STXBP4: variants seen among roughly 807,000 people sequenced by gnomAD.
STXBP4 encodes the protein syntaxin-binding protein 4.
In STXBP4, 55 loss-of-function variants were observed where a neutral mutation model predicts 76.1. The ratio of observed to expected loss-of-function variants is 0.72; its 90% CI spans 0.58 to 0.91. The LOEUF is 0.91. Ranked by LOEUF, STXBP4 falls within the 40% of genes least tolerant of loss-of-function variation. STXBP4 has a pLI of 0.00. For synonymous variants in STXBP4, 201 were observed against 220.2 expected, an observed-to-expected ratio of 0.91 and a Z score of 0.77; for missense variants, 618 against 636.9, an observed-to-expected ratio of 0.97 and a Z score of 0.32.
chr17:55,179,999 A>G, the STXBP4 span, among the ~76,000 whole-genome samples: 1 of 152,194 alleles, frequency 6.6e-6, no homozygotes, highest in Non-Finnish European at 1.5e-5. Flanking sequence ...CTCATTTACT[A>G]AGGTGCCCAC....
At chr17:55,186,128 A>T in the STXBP4 span, among the ~76,000 whole-genome samples, 1 of 152,180 alleles carries the variant, frequency 6.6e-6, no homozygotes, top group South Asian at 2.1e-4. Context: ...TTGTCTACAA[A>T]CCCTCCACGT....
At chr17:55,202,612 C>A in the STXBP4 span, among the ~76,000 whole-genome samples, 2 of 152,036 alleles carry the variant, frequency 1.3e-5, no homozygotes, top group Non-Finnish European at 2.9e-5. Flanking sequence ...ACTGCCAATT[C>A]TATGCTCTTT....
intron 15 of STXBP4, 60 bp from the exon 16 acceptor site, chr17:55,080,990 A>G: frequency 9.2e-6 from 12 of 1,307,968 alleles, no homozygotes; most frequent in Non-Finnish European, 1.2e-5. Flanking sequence ...CTTCAGATTT[A>G]GTAAAGATAG....
the STXBP4 span, among the ~76,000 whole-genome samples, chr17:55,212,677 G>A: frequency 6.6e-6 from 1 of 152,102 alleles, no homozygotes; most frequent in Non-Finnish European, 1.5e-5. Context: ...TTGTTAAAAT[G>A]GCTGAAAACC....
chr17:55,199,382 T>C, the STXBP4 span, among the ~76,000 whole-genome samples: 5 of 152,254 alleles, frequency 3.3e-5, no homozygotes, highest in African/African-American at 1.2e-4. Context: ...CAATGTGTTT[T>C]TCCCCTAGAT....
At chr17:55,147,651 A>G (rs1379714713) in intron 17 of STXBP4, among the ~76,000 whole-genome samples, 1 of 152,224 alleles carries the variant, frequency 6.6e-6, no homozygotes, top group Non-Finnish European at 1.5e-5. Flanking sequence ...TCTATTCTTT[A>G]TCACATAGGC....
In STXBP4 at chr17:55,163,974, G is replaced by A. The variant is rs2080359720; in HGVS notation, c.*4063G>A. 6.6e-6 allele frequency: 1 copy of A among 152,568 alleles called. No homozygotes were observed. The highest frequency in any genetic ancestry group is 2.1e-4 in the South Asian group (1 of 4,818). 9.5% of individuals were successfully genotyped at this position (152,568 alleles called of 1,614,324 possible). ...TTATCCTTTTTCTCGGGAGAAATGG[G>A]ACATTTTTATTTTCTCTGCTAAGTG... On this transcript the variant is annotated 3_prime_UTR_variant, in exon 18 of 18. Transcript: ENST00000376352.
intron 16 of STXBP4, among the ~76,000 whole-genome samples, chr17:55,098,496 A>G (rs567420208): frequency 1.4e-4 from 22 of 152,242 alleles, no homozygotes; most frequent in Non-Finnish European, 2.6e-4. Context: ...AAACCCATAA[A>G]CTAGATATTC....
chr17:54,973,917 A>T (rs1239432875), intron 1 of STXBP4, among the ~76,000 whole-genome samples: 1 of 152,186 alleles, frequency 6.6e-6, no homozygotes, highest in African/African-American at 2.4e-5. Flanking sequence ...AATCATGTCC[A>T]ATTTTATATA....
chr17:55,091,760 C>T (rs538303961), intron 16 of STXBP4, among the ~76,000 whole-genome samples: 113 of 152,166 alleles, frequency 7.4e-4, no homozygotes, highest in Non-Finnish European at 1.2e-3. Context: ...GTTTGGTTCA[C>T]GCACAGAATT....
At chr17:55,206,020 T>C in the STXBP4 span, among the ~76,000 whole-genome samples, 1 of 152,152 alleles carries the variant, frequency 6.6e-6, no homozygotes, top group Non-Finnish European at 1.5e-5. Context: ...TATTATATAC[T>C]TATTAAAATG....
chr17:55,110,214 C>T (rs2079695824), intron 16 of STXBP4, among the ~76,000 whole-genome samples: 1 of 152,278 alleles, frequency 6.6e-6, no homozygotes, highest in Non-Finnish European at 1.5e-5. Context: ...CCACTAGCTG[C>T]CACTTTGAAG....
intron 17 of STXBP4, among the ~76,000 whole-genome samples, chr17:55,144,935 G>C (rs2080135962): frequency 1.3e-5 from 2 of 152,118 alleles, no homozygotes; most frequent in South Asian, 4.1e-4. Context: ...CACTTCATAG[G>C]GTTCCTGTCC....
rs1308636079 is a variant in STXBP4 at position 54,999,429 on chromosome 17, A to G, written c.265A>G (p.Ile89Val). 3.7e-6 allele frequency: 6 copies of G among 1,612,790 alleles called. No individual in the cohort carries two copies. Among genetic ancestry groups the G allele is most frequent in the Non-Finnish European group, 5.1e-6 (6 of 1,179,498 alleles). ...TGTATCATTTGAAGAAGCAAAAAGCATAATTACCGGAGCCAAGTTGAGGTA... is the reference window on the plus strand; with the variant it reads ...TGTATCATTTGAAGAAGCAAAAAGCGTAATTACCGGAGCCAAGTTGAGGTA... The part of the protein sequence containing the change: ...IGVSFEEAKS[I>V]ITGAKLRLES... Residue 89 changes from isoleucine to valine, a missense_variant, in exon 5 of 18, where the codon ATA becomes GTA. Coordinates refer to ENST00000376352, the MANE Select transcript of STXBP4 (RefSeq NM_178509.6).
intron 8 of STXBP4, among the ~76,000 whole-genome samples, chr17:55,017,636 G>T (rs1598210270): frequency 6.6e-6 from 1 of 152,192 alleles, no homozygotes; most frequent in African/African-American, 2.4e-5. Context: ...TGCACGCATG[G>T]GCGACTGTTG....
chr17:55,082,854 A>G (rs1306253086), intron 16 of STXBP4, among the ~76,000 whole-genome samples: 2 of 152,192 alleles, frequency 1.3e-5, no homozygotes, highest in Admixed American at 6.6e-5. Flanking sequence ...AGATAATGTA[A>G]TATTCTGAAG....
chr17:55,159,273 T>A (rs1430719268), intron 17 of STXBP4, among the ~76,000 whole-genome samples: 1 of 151,886 alleles, frequency 6.6e-6, no homozygotes, highest in Non-Finnish European at 1.5e-5. Flanking sequence ...AATAAATAAA[T>A]AAAAATTTTA....
At chr17:55,068,949 T>C (rs893819319) in intron 12 of STXBP4, among the ~76,000 whole-genome samples, 3 of 152,070 alleles carry the variant, frequency 2.0e-5, no homozygotes, top group African/African-American at 4.8e-5. Flanking sequence ...AGTATATTTA[T>C]TGTCCTGTGT....
chr17:55,049,718 A>AT (rs1249489540), intron 12 of STXBP4, among the ~76,000 whole-genome samples: 1 of 152,056 alleles, frequency 6.6e-6, no homozygotes, highest in African/African-American at 2.4e-5. Context: ...GCAACCAAAC[A>AT]TAATGGTTAT....
Sources: gnomAD v4.1 joint callset for allele counts (sites outside exome capture counted in the v4.1 genomes callset) on GRCh38, gnomAD v4.1.1 for gene constraint, MANE v1.5 for transcripts, NCBI Gene and HGNC (gene_info 2026-07-23, HGNC 2026-07-21) for gene names.